The following HDAC8 variants were observed in gnomAD, a reference collection of about 807,000 sequenced individuals.
HDAC8 encodes histone deacetylase 8, also known as histone deacetylase-like 1.
Under a neutral mutation model 32.2 loss-of-function variants are expected in HDAC8, and 1 was observed. The ratio of observed to expected loss-of-function variants is 0.03; its 90% CI spans 0.01 to 0.15. The LOEUF (loss-of-function observed/expected upper bound fraction) is 0.15. Ranked by LOEUF, HDAC8 falls within the 10% of genes least tolerant of loss-of-function variation. The probability of loss-of-function intolerance (pLI) is 1.00; values close to 1 mark genes in which losing one functional copy is unlikely to be tolerated. For missense variants in HDAC8, 117 were observed against 300.0 expected, an observed-to-expected ratio of 0.39 and a Z score of 4.51; for synonymous variants, 108 against 113.9, an observed-to-expected ratio of 0.95 and a Z score of 0.33.
rs189214343 is a variant in HDAC8 at position 72,348,371 on chromosome X, A to C, written c.1111+3362T>G. Among the ~76,000 whole-genome samples, 4 of 112,310 alleles carry C rather than the reference A, an allele frequency of 3.6e-5. No individual in the cohort carries two copies. In the East Asian group the frequency reaches 1.1e-3, roughly 31 times the overall value. On this transcript the variant is annotated intron_variant, in intron 10 of 10. Transcript: ENST00000373573. ...GCAAGAACAAATAACAGTCTTGTAG[A>C]CAGGTTCAGGAAAATTTTTCAGAAT...
At position 72,429,023 on chromosome X, in the gene HDAC8, C is replaced by CT. The variant is rs1156351998; in HGVS notation, c.1005+32980dup. On this transcript the variant is annotated intron_variant, in intron 9 of 10. Coordinates refer to ENST00000373573, the MANE Select transcript of HDAC8 (RefSeq NM_018486.3). ...GTTTGATTCCTTTCTTTCTTTCTTT[C>CT]TTTTTTTTTTTTTGCTTCTTTTCCA... is the stretch of plus-strand genomic sequence containing the variant. Among the ~76,000 whole-genome samples, 14 of 80,671 alleles carry CT rather than the reference C, an allele frequency of 1.7e-4. No individual in the cohort carries two copies. The South Asian group carries it at 3.1e-3, about 18-fold the overall frequency. 70.1% of individuals were successfully genotyped at this position (80,671 alleles called of 115,157 possible). A position where few individuals can be genotyped will look rare whatever the true frequency, so the allele number is the denominator to read the frequency against.
At chrX:72,571,815 C>A (rs2052091131) in intron 2 of HDAC8, 1 of 280,458 alleles carries the variant, frequency 3.6e-6, no homozygotes, top group Admixed American at 6.5e-5. Flanking sequence ...GCGATCCACC[C>A]ACCTAGGCCT....
intron 10 of HDAC8, among the ~76,000 whole-genome samples, chrX:72,341,480 G>A (rs1555945079): frequency 8.9e-6 from 1 of 112,081 alleles, no homozygotes. Flanking sequence ...TGTCATCTAT[G>A]TAAACCAAGA....
intron 4 of HDAC8, among the ~76,000 whole-genome samples, chrX:72,535,529 A>C (rs2050494707): frequency 3.6e-5 from 4 of 111,848 alleles, no homozygotes; most frequent in South Asian, 3.7e-4. Flanking sequence ...ACAAAAAAAA[A>C]CAGGAAAACA....
At chrX:72,544,341 A>C (rs1344722195) in intron 4 of HDAC8, among the ~76,000 whole-genome samples, 1 of 111,913 alleles carries the variant, frequency 8.9e-6, no homozygotes, top group Non-Finnish European at 1.9e-5. Context: ...TGAAGGCATT[A>C]GTCAACAGTA....
chrX:72,451,718 T>C (rs1023437450), intron 9 of HDAC8, among the ~76,000 whole-genome samples: 2 of 113,194 alleles, frequency 1.8e-5, no homozygotes, highest in African/African-American at 6.4e-5. Flanking sequence ...GGACTTCGGC[T>C]TCTGGCCATG....
intron 7 of HDAC8, chrX:72,474,725 C>A: frequency 1.7e-6 from 2 of 1,163,341 alleles, no homozygotes; most frequent in Non-Finnish European, 2.3e-6. Context: ...GCAGGAGGTT[C>A]GTACCTGAGG....
chrX:72,485,211 C>A (rs1297733462), intron 7 of HDAC8, among the ~76,000 whole-genome samples: 1 of 111,846 alleles, frequency 8.9e-6, no homozygotes, highest in Non-Finnish European at 1.9e-5. Context: ...TTCCTTTATG[C>A]TGGTTAAAAC....
At chrX:72,421,054 T>A (rs1555973397) in intron 9 of HDAC8, among the ~76,000 whole-genome samples, 1 of 111,228 alleles carries the variant, frequency 9.0e-6, no homozygotes, top group East Asian at 2.8e-4. Context: ...CATTACTGTC[T>A]TATTTTGTAT....
chrX:72,403,762 G>T (rs2045967470), intron 9 of HDAC8, among the ~76,000 whole-genome samples: 1 of 111,780 alleles, frequency 8.9e-6, no homozygotes, highest in African/African-American at 3.3e-5. Flanking sequence ...GAGAGATGGA[G>T]GTTGCAGTGA....
rs34624149 is a variant in HDAC8, at chrX:72,541,154, C to CT, written c.437+26734dup. Among the ~76,000 whole-genome samples, 414 of 98,429 alleles carry CT rather than the reference C, an allele frequency of 4.2e-3. 3 individuals are homozygous for CT. The highest frequency in any genetic ancestry group is 7.7e-3 in the African/African-American group (210 of 27,326). The allele number at this position is 98,429 out of a possible 115,157, so 85.5% of individuals were successfully genotyped here. ...AAAACAGGAAAAGGATGACAGGAGG[C>CT]TTTTTTTTTTTTTTCTCGTGCGCAA... On this transcript the variant is annotated intron_variant, in intron 4 of 10. Coordinates refer to ENST00000373573, the MANE Select transcript of HDAC8 (RefSeq NM_018486.3).
intron 9 of HDAC8, among the ~76,000 whole-genome samples, chrX:72,392,383 C>T (rs1266460972): frequency 1.8e-5 from 2 of 111,710 alleles, no homozygotes; most frequent in Non-Finnish European, 3.8e-5. Context: ...AAAAAATACA[C>T]CAGAAGCCAC....
At chrX:72,429,171 A>G (rs1555976684) in intron 9 of HDAC8, among the ~76,000 whole-genome samples, 4 of 110,803 alleles carry the variant, frequency 3.6e-5, no homozygotes, top group Non-Finnish European at 7.6e-5. Flanking sequence ...CTATTTCCTT[A>G]CAGGGATACT....
At chrX:72,422,031 T>C (rs917065495) in intron 9 of HDAC8, among the ~76,000 whole-genome samples, 2 of 111,115 alleles carry the variant, frequency 1.8e-5, no homozygotes, top group East Asian at 2.8e-4. Context: ...ATGAACCTTA[T>C]TGAGAATCCC....
At chrX:72,407,197 T>C (rs782769617) in intron 9 of HDAC8, among the ~76,000 whole-genome samples, 23 of 112,560 alleles carry the variant, frequency 2.0e-4, no homozygotes, top group Non-Finnish European at 4.1e-4. Flanking sequence ...GCGAGCTCAA[T>C]GTAATCACAA....
chrX:72,552,600 A>G lies in HDAC8; in HGVS notation c.437+15289T>C, dbSNP rs958822535. 3.8e-4 allele frequency among the ~76,000 whole-genome samples: 41 copies of G among 107,415 alleles called. No homozygotes were observed. In the Admixed American group the frequency reaches 4.0e-3, roughly 11 times the overall value. 93.3% of individuals were successfully genotyped at this position (107,415 alleles called of 115,157 possible). A position where few individuals can be genotyped will look rare whatever the true frequency, so the allele number is the denominator to read the frequency against. On this transcript the variant is annotated intron_variant, in intron 4 of 10. Transcript: ENST00000373573. ...TTACACTCCAGCCTGGGCAACAAGA[A>G]TGAAACTCCGTTTCAAAAAAAAAAA...
chrX:72,458,802 G>A (rs1344131328), intron 9 of HDAC8, among the ~76,000 whole-genome samples: 3 of 111,774 alleles, frequency 2.7e-5, no homozygotes, highest in African/African-American at 9.8e-5. Flanking sequence ...TCTCCTCTTT[G>A]CAATCTATCT....
At chrX:72,546,577 C>T (rs1370629657) in intron 4 of HDAC8, among the ~76,000 whole-genome samples, 1 of 110,645 alleles carries the variant, frequency 9.0e-6, no homozygotes, top group Admixed American at 9.6e-5. Context: ...TAGGAGTCAC[C>T]GTGCTGGGTG....
Position 72,464,572 on chromosome X carries a change from G to T in HDAC8, c.897C>A (p.Leu299=). 1 of 1,207,841 alleles carries T rather than the reference G, an allele frequency of 8.3e-7. No homozygotes were observed. The highest frequency in any genetic ancestry group is 1.1e-6 in the Non-Finnish European group (1 of 892,070). The change falls in exon 8 of 11, where the codon CTC becomes CTA. Residue 299 remains leucine, a synonymous_variant. Coordinates refer to ENST00000373573, the MANE Select transcript of HDAC8 (RefSeq NM_018486.3). The part of the protein sequence containing the change: ...KYILQWQLAT[L]ILGGGGYNLA... The stretch of plus-strand genomic sequence containing the variant: ...CTTTATACTCACCTCCTCCCAAAAT[G>T]AGTGTTGCCAACTGCCATTGAAGGA...
Sources: allele counts gnomAD v4.1 joint callset (sites outside exome capture counted in the v4.1 genomes callset), GRCh38; gene constraint gnomAD v4.1.1; transcripts MANE v1.5; gene names NCBI Gene and HGNC (gene_info 2026-07-23, HGNC 2026-07-21).